TMC1: variants seen among roughly 807,000 people sequenced by gnomAD.
TMC1 encodes the protein transmembrane channel like 1, also known as transmembrane channel-like protein 1.
A neutral mutation model predicts 105.8 loss-of-function variants in TMC1; 84 were observed. That is an observed-to-expected ratio of 0.79 (90% CI 0.67 to 0.95). TMC1 has a LOEUF of 0.95. Among genes scored for constraint, TMC1 ranks in the 40% least tolerant of loss-of-function variants. The probability of loss-of-function intolerance (pLI) is 0.00; values close to 1 mark genes in which losing one functional copy is unlikely to be tolerated. For missense variants in TMC1, 817 were observed against 914.1 expected, an observed-to-expected ratio of 0.89 and a Z score of 1.37; for synonymous variants, 315 against 311.5, an observed-to-expected ratio of 1.01 and a Z score of -0.12.
chr9:72,557,441 A>T (rs1035487067), intron 1 of TMC1, among the ~76,000 whole-genome samples: 6 of 152,180 alleles, frequency 3.9e-5, no homozygotes, highest in African/African-American at 1.4e-4. Flanking sequence ...GATTATGATA[A>T]TTGTTTCTCT....
At chr9:72,629,578 C>G (rs574661781) in intron 4 of TMC1, among the ~76,000 whole-genome samples, 1 of 151,614 alleles carries the variant, frequency 6.6e-6, no homozygotes, top group South Asian at 2.1e-4. Flanking sequence ...GCCACCGTTT[C>G]TGTGTGTGTG....
rs572306816 is a variant in TMC1 at position 72,832,142 on chromosome 9, A to G, written c.2260+1460A>G. On this transcript the variant is annotated intron_variant, in intron 23 of 23. Coordinates refer to ENST00000297784, the MANE Select transcript of TMC1 (RefSeq NM_138691.3). ...AATTTTTAATTTTTTTTTTGAAGTG[A>G]GGTCTTGCTAAGTTGCCCAGGCTGC... 2.1e-4 allele frequency among the ~76,000 whole-genome samples: 32 copies of G among 151,778 alleles called. 1 individual carries two copies. The highest frequency in any genetic ancestry group is 7.7e-4 in the African/African-American group (32 of 41,398).
chr9:72,670,442 C>T (rs530833000), intron 5 of TMC1, among the ~76,000 whole-genome samples: 69 of 152,008 alleles, frequency 4.5e-4, no homozygotes, highest in Middle Eastern at 3.4e-3. Context: ...AGAACAAAGC[C>T]GAAGACTATA....
intron 5 of TMC1, among the ~76,000 whole-genome samples, chr9:72,658,048 A>C (rs1279263445): frequency 6.6e-6 from 1 of 152,176 alleles, no homozygotes. Flanking sequence ...AATTATCCTC[A>C]TATCCTCTTG....
chr9:72,804,911 T>C (rs1588091633), intron 17 of TMC1, among the ~76,000 whole-genome samples: 1 of 152,370 alleles, frequency 6.6e-6, no homozygotes, highest in Non-Finnish European at 1.5e-5. Context: ...TCTGTGAATT[T>C]TTAATTTGTG....
In TMC1 at chr9:72,791,952, G is replaced by A; in HGVS notation, c.1291G>A (p.Glu431Lys). The A allele has an allele frequency of 3.1e-6, 5 of 1,613,978 alleles. No homozygotes were observed. The highest frequency in any genetic ancestry group is 4.2e-6 in the Non-Finnish European group (5 of 1,179,970). Residue 431 changes from glutamate (E) to lysine (K), a missense_variant, in exon 16 of 24, where the codon GAA becomes AAA. Transcript: ENST00000297784. Reference sequence around the variant, plus strand: ...ATTGTTTGACTTATTTGCTGAATTAGAAGACTACCATCCTCTCATCGCTTT... The same window carrying A: ...ATTGTTTGACTTATTTGCTGAATTAAAAGACTACCATCCTCTCATCGCTTT... ...PTLFDLFAEL[E>K]DYHPLIALKW...
At chr9:72,769,711 G>A (rs1265715945) in intron 12 of TMC1, among the ~76,000 whole-genome samples, 1 of 152,180 alleles carries the variant, frequency 6.6e-6, no homozygotes, top group Non-Finnish European at 1.5e-5. Context: ...TGTTTGGCAA[G>A]TGCTAAATGT....
At chr9:72,784,551 A>G (rs1828140471) in intron 13 of TMC1, among the ~76,000 whole-genome samples, 2 of 152,244 alleles carry the variant, frequency 1.3e-5, no homozygotes, top group African/African-American at 2.4e-5. Flanking sequence ...AAAGAACTCA[A>G]AACAGAACTA....
At chr9:72,664,376 C>T (rs1826011080) in intron 5 of TMC1, among the ~76,000 whole-genome samples, 1 of 152,100 alleles carries the variant, frequency 6.6e-6, no homozygotes, top group Non-Finnish European at 1.5e-5. Flanking sequence ...TAGAAGAGGG[C>T]AGTTCCCTGG....
intron 17 of TMC1, among the ~76,000 whole-genome samples, 166 bp downstream of exon 17, chr9:72,792,518 ACT>A (rs1426522625): frequency 6.6e-6 from 1 of 152,118 alleles, no homozygotes; most frequent in Non-Finnish European, 1.5e-5. Context: ...ATTATCTCAC[ACT>A]GTTTGCAAAT....
intron 5 of TMC1, among the ~76,000 whole-genome samples, chr9:72,664,047 A>T (rs1395144240): frequency 6.6e-6 from 1 of 152,172 alleles, no homozygotes; most frequent in African/African-American, 2.4e-5. Flanking sequence ...TGTGTTAACA[A>T]TGCCTTCTTC....
At chr9:72,639,075 G>T (rs1044266329) in intron 4 of TMC1, among the ~76,000 whole-genome samples, 4 of 151,610 alleles carry the variant, frequency 2.6e-5, no homozygotes, top group Non-Finnish European at 4.4e-5. Flanking sequence ...TTTAAAAAAC[G>T]TAAGTATGCA....
At chr9:72,777,551 C>G (rs903188181) in intron 13 of TMC1, among the ~76,000 whole-genome samples, 1 of 152,166 alleles carries the variant, frequency 6.6e-6, no homozygotes, top group South Asian at 2.1e-4. Context: ...TCTCATCTTC[C>G]TCAAACTATA....
chr9:72,807,262 A>G (rs1352662524), intron 18 of TMC1, among the ~76,000 whole-genome samples: 1 of 152,026 alleles, frequency 6.6e-6, no homozygotes, highest in Admixed American at 6.5e-5. Flanking sequence ...GGAGAGGGAG[A>G]CCATGGGGAG....
intron 10 of TMC1, among the ~76,000 whole-genome samples, chr9:72,748,080 C>T (rs1367682522): frequency 6.6e-6 from 1 of 152,072 alleles, no homozygotes; most frequent in East Asian, 1.9e-4. Flanking sequence ...TTGTATATAT[C>T]ATAGTCTTAA....
intron 1 of TMC1, among the ~76,000 whole-genome samples, chr9:72,549,023 T>C (rs1823816627): frequency 6.6e-6 from 1 of 152,206 alleles, no homozygotes; most frequent in Admixed American, 6.5e-5. Context: ...GAAATAAATA[T>C]TTGTGGAATA....
chr9:72,775,749 A>T (rs1827995735), intron 13 of TMC1, among the ~76,000 whole-genome samples: 1 of 152,218 alleles, frequency 6.6e-6, no homozygotes, highest in African/African-American at 2.4e-5. Flanking sequence ...CAGACTGTAC[A>T]AGAAGCATGG....
At chr9:72,744,658 T>C (rs1356929397) in intron 10 of TMC1, among the ~76,000 whole-genome samples, 2 of 152,208 alleles carry the variant, frequency 1.3e-5, no homozygotes, top group Non-Finnish European at 2.9e-5. Context: ...ATTTATAAAA[T>C]TGTAGGGCTG....
At chr9:72,568,771 C>T (rs972224631) in intron 1 of TMC1, among the ~76,000 whole-genome samples, 1 of 152,126 alleles carries the variant, frequency 6.6e-6, no homozygotes, top group African/African-American at 2.4e-5. Context: ...ACTCATTGTG[C>T]CCCTCCATAC....
Sources: gnomAD v4.1 joint callset for allele counts (sites outside exome capture counted in the v4.1 genomes callset) on GRCh38, gnomAD v4.1.1 for gene constraint, MANE v1.5 for transcripts, NCBI Gene and HGNC (gene_info 2026-07-23, HGNC 2026-07-21) for gene names.